The following ORC2 variants were observed in gnomAD, a reference collection of about 807,000 sequenced individuals.
The protein encoded by ORC2 is origin recognition complex protein 2 homolog.
Under a neutral mutation model 77.7 loss-of-function variants are expected in ORC2, and 37 were observed. The observed-to-expected ratio is 0.48, with a 90% CI of 0.37 to 0.63. The LOEUF (loss-of-function observed/expected upper bound fraction) is 0.63. Ranked by LOEUF, ORC2 falls within the 20% of genes least tolerant of loss-of-function variation. ORC2 has a pLI of 0.00. For synonymous variants in ORC2, 201 were observed against 229.5 expected (o/e 0.88, Z 1.12); for missense variants, 557 against 661.9 (o/e 0.84, Z 1.74).
intron 4 of ORC2, among the ~76,000 whole-genome samples, chr2:200,956,557 T>C (rs553706228): frequency 2.6e-5 from 4 of 152,250 alleles, no homozygotes; most frequent in East Asian, 1.9e-4. Flanking sequence ...TACAAACTCC[T>C]GGGCTCAAGC....
chr2:200,919,382 CAG>C (rs2040717310), intron 15 of ORC2, among the ~76,000 whole-genome samples: 1 of 151,650 alleles, frequency 6.6e-6, no homozygotes, highest in South Asian at 2.1e-4. Flanking sequence ...TTTTTTGAGA[CAG>C]AGATTGCTCT....
intron 15 of ORC2, 46 bp from the exon 16 acceptor site, chr2:200,914,038 T>C (rs777374906): frequency 1.6e-6 from 2 of 1,218,134 alleles, no homozygotes; most frequent in Non-Finnish European, 2.3e-6. Flanking sequence ...AATGTTAACA[T>C]CAAAAGGTAA....
intron 7 of ORC2, among the ~76,000 whole-genome samples, chr2:200,940,863 T>C (rs1237182646): frequency 6.6e-6 from 1 of 152,050 alleles, no homozygotes; most frequent in East Asian, 1.9e-4. Flanking sequence ...TATAGAGTAA[T>C]GGATCTAATG....
intron 3 of ORC2, among the ~76,000 whole-genome samples, chr2:200,957,817 T>C: frequency 6.6e-6 from 1 of 152,132 alleles, no homozygotes; most frequent in Non-Finnish European, 1.5e-5. Context: ...CTACCACTCC[T>C]GGGCATTTTG....
At chr2:200,953,363 T>C (rs1405689525) in intron 4 of ORC2, among the ~76,000 whole-genome samples, 3 of 151,938 alleles carry the variant, frequency 2.0e-5, no homozygotes, top group Admixed American at 6.6e-5. Context: ...ATATGTTAAA[T>C]TTAAAAGAAA....
intron 15 of ORC2, among the ~76,000 whole-genome samples, chr2:200,914,544 T>G (rs1224515328): frequency 6.6e-6 from 1 of 152,050 alleles, no homozygotes; most frequent in Non-Finnish European, 1.5e-5. Flanking sequence ...TTTGGGAGAC[T>G]GAGGTGGGAG....
rs1255708040 is a variant in ORC2 at position 200,917,232 on chromosome 2, C to T, written c.1466+2990G>A. ...CTGGTCTCGAACTCCTGACCTCAAA[C>T]GATCTGCCTGCTTCAGCCTCTCAAA... On this transcript the variant is annotated intron_variant, in intron 15 of 17. Transcript: ENST00000234296. Among the ~76,000 whole-genome samples the T allele has an allele frequency of 5.3e-5, 8 of 152,082 alleles. No homozygotes were observed. In the East Asian group the frequency reaches 1.5e-3, roughly 29 times the overall value.
chr2:200,961,350 G>A (rs1354256285), intron 1 of ORC2, among the ~76,000 whole-genome samples: 1 of 151,144 alleles, frequency 6.6e-6, no homozygotes, highest in Non-Finnish European at 1.5e-5. Context: ...TTGTAGAGAC[G>A]GGGTTTCCCC....
chr2:200,921,005 T>C lies in ORC2; in HGVS notation c.1282A>G (p.Asn428Asp). 2 of 1,587,856 alleles carry C rather than the reference T, an allele frequency of 1.3e-6. No homozygotes were observed. Among genetic ancestry groups the C allele is most frequent in the Non-Finnish European group, 1.7e-6 (2 of 1,166,392 alleles). Residue 428 changes from asparagine (N) to aspartate (D), a missense_variant, in exon 14 of 18, where the codon AAT (asparagine) becomes GAT (aspartate). Coordinates refer to ENST00000234296, the MANE Select transcript of ORC2 (RefSeq NM_006190.5). ...IYLIASIDHL[N>D]APLMWDHAKQ... is the part of the protein sequence containing the mutation. ...ACAATTAACTTACTGAGAGGAGCAT[T>C]GAGGTGGTCAATGGATGCTATAAGG...
chr2:200,914,165 CTT>C (rs1158874227), intron 15 of ORC2, among the ~76,000 whole-genome samples, 173 bp from the exon 16 acceptor site: 21 of 134,824 alleles, frequency 1.6e-4, no homozygotes, highest in Admixed American at 2.2e-4. Context: ...TTTCTAATTT[CTT>C]TTTTTTTTTT....
chr2:200,949,467 G>A, intron 5 of ORC2, 87 bp downstream of exon 5: 1 of 706,440 alleles, frequency 1.4e-6, no homozygotes, highest in Non-Finnish European at 2.5e-6. Flanking sequence ...TTTAGGAAAT[G>A]TAGTGGTATA....
rs1426868534 is a variant in ORC2 at position 200,913,928 on chromosome 2, T to C, written c.1528+3A>G. ...ACAATTGAATGTCATAAATATTGGATACCAATGTAAGAAGGGTTATCCTGG... is the reference window on the plus strand; with the variant it reads ...ACAATTGAATGTCATAAATATTGGACACCAATGTAAGAAGGGTTATCCTGG... On this transcript the variant is annotated splice_donor_region_variant and intron_variant, in intron 16 of 17. Transcript: ENST00000234296. 1.9e-6 allele frequency: 3 copies of C among 1,584,696 alleles called. No individual in the cohort carries two copies. In the South Asian group the frequency reaches 3.5e-5, roughly 19 times the overall value.
At chr2:200,918,690 T>G (rs979842918) in intron 15 of ORC2, among the ~76,000 whole-genome samples, 3 of 152,072 alleles carry the variant, frequency 2.0e-5, no homozygotes, top group Non-Finnish European at 4.4e-5. Context: ...GGTTTCAGCA[T>G]GTTGACCAGG....
At chr2:200,956,901 C>T (rs1028240177) in intron 4 of ORC2, among the ~76,000 whole-genome samples, 1 of 152,172 alleles carries the variant, frequency 6.6e-6, no homozygotes, top group Non-Finnish European at 1.5e-5. Flanking sequence ...CCTCAGCAAA[C>T]TAACACAGGA....
rs1302469542 is a variant in ORC2 at position 200,949,731 on chromosome 2, C to G, written c.239-88G>C. ...TAACAAAAAAACTTAAGATTTGTAC[C>G]CCTCATAGCCTTGCATAAAGATTTA... On this transcript the variant is annotated intron_variant, in intron 4 of 17. Transcript: ENST00000234296. 4.7e-6 allele frequency: 3 copies of G among 644,508 alleles called. No individual in the cohort carries two copies. In the African/African-American group the frequency reaches 5.6e-5, roughly 12 times the overall value. 39.9% of individuals were successfully genotyped at this position (644,508 alleles called of 1,614,324 possible). A position where few individuals can be genotyped will look rare whatever the true frequency, so the allele number is the denominator to read the frequency against.
intron 15 of ORC2, 66 bp from the exon 16 acceptor site, chr2:200,914,058 G>GA: frequency 1.0e-6 from 1 of 961,176 alleles, no homozygotes; most frequent in African/African-American, 1.7e-5. Flanking sequence ...ACAACTAATA[G>GA]TAAAATACAC....
intron 11 of ORC2, among the ~76,000 whole-genome samples, chr2:200,929,314 C>T (rs1016536786): frequency 6.6e-6 from 1 of 152,122 alleles, no homozygotes; most frequent in African/African-American, 2.4e-5. Context: ...AGGAAAGTAA[C>T]ATGTTCTTTT....
At position 200,933,953 on chromosome 2, in the gene ORC2, A is replaced by C; in HGVS notation, c.730T>G (p.Phe244Val). ...ACTTTTGAACTGCTGTGAGCTTCAA[A>C]ATATTCTTCTACTAAGTCACTCTGA... ...DKTSDLVEEY[F>V]EAHSSSKVLT... The change falls in exon 10 of 18, where the codon TTT becomes GTT. Residue 244 changes from phenylalanine to valine, a missense_variant. By Grantham distance (50) the Phe-to-Val change is conservative. Transcript: ENST00000234296. The C allele has an allele frequency of 6.2e-7, 1 of 1,606,204 alleles. No individual in the cohort carries two copies. The highest frequency in any genetic ancestry group is 8.5e-7 in the Non-Finnish European group (1 of 1,174,396).
intron 1 of ORC2, among the ~76,000 whole-genome samples, chr2:200,959,778 T>C (rs988187581): frequency 2.0e-5 from 3 of 152,002 alleles, no homozygotes; most frequent in Non-Finnish European, 4.4e-5. Context: ...AGATAATAAA[T>C]AGTGGGCTGG....
Sources: allele counts gnomAD v4.1 joint callset (sites outside exome capture counted in the v4.1 genomes callset), GRCh38; gene constraint gnomAD v4.1.1; transcripts MANE v1.5; gene names NCBI Gene and HGNC (gene_info 2026-07-23, HGNC 2026-07-21).